Variants in MACROD2 observed in about 807,000 individuals in gnomAD.
The protein encoded by MACROD2 is ADP-ribose glycohydrolase MACROD2.
In MACROD2, 36 loss-of-function variants were observed where a neutral mutation model predicts 70.4. The observed-to-expected ratio is 0.51, with a 90% confidence interval of 0.39 to 0.68. The LOEUF is 0.68. MACROD2 is among the 30% of genes least tolerant of loss of function. MACROD2 has a pLI of 0.00. For synonymous variants in MACROD2, 172 were observed against 178.8 expected (o/e 0.96, Z 0.30); for missense variants, 496 against 538.4 (o/e 0.92, Z 0.78).
chr20:15,085,765 C>T (rs113388059), intron 5 of MACROD2, among the ~76,000 whole-genome samples: 3 of 152,016 alleles, frequency 2.0e-5, no homozygotes, highest in Admixed American at 6.6e-5. Flanking sequence ...GCAAAAATCA[C>T]ACCACTAACA....
intron 5 of MACROD2, among the ~76,000 whole-genome samples, chr20:14,933,016 T>A (rs891084616): frequency 1.3e-5 from 2 of 152,176 alleles, no homozygotes; most frequent in Non-Finnish European, 2.9e-5. Flanking sequence ...TTGAGATTTT[T>A]AAATAAGTAT....
chr20:14,169,277 T>G (rs2081197412), intron 3 of MACROD2, among the ~76,000 whole-genome samples: 1 of 151,670 alleles, frequency 6.6e-6, no homozygotes, highest in South Asian at 2.1e-4. Flanking sequence ...AAACTTTTTC[T>G]CCAATAAAAA....
intron 5 of MACROD2, among the ~76,000 whole-genome samples, chr20:14,896,155 C>T (rs1042777452): frequency 1.3e-5 from 2 of 151,918 alleles, no homozygotes; most frequent in Admixed American, 1.3e-4. Context: ...ATTAGCTGGG[C>T]GTGGTGGTGG....
intron 5 of MACROD2, among the ~76,000 whole-genome samples, chr20:15,212,545 A>T (rs1424031669): frequency 6.6e-6 from 1 of 152,138 alleles, no homozygotes; most frequent in Non-Finnish European, 1.5e-5. Flanking sequence ...GCTTGTCATT[A>T]GTGTGTGCGA....
intron 3 of MACROD2, among the ~76,000 whole-genome samples, chr20:14,448,593 CTT>C (rs1388357341): frequency 6.6e-6 from 1 of 151,624 alleles, no homozygotes; most frequent in African/African-American, 2.4e-5. Flanking sequence ...AGGAGAATGT[CTT>C]TAATCTGGGA....
rs3070384 is a variant in MACROD2 at position 15,288,867 on chromosome 20, G to GTCTATCTATCTATCTA, written c.540+58834_540+58849dup. On this transcript the variant is annotated intron_variant, in intron 6 of 17. Coordinates refer to ENST00000684519, the MANE Select transcript of MACROD2 (RefSeq NM_001351661.2). ...TGTCTCTCTATATGTCTGTCTGTCT[G>GTCTATCTATCTATCTA]TCTATCTATCTATCTATCTATCTAT... Among the ~76,000 whole-genome samples the GTCTATCTATCTATCTA allele has an allele frequency of 1.5e-3, 221 of 146,964 alleles. 2 individuals are homozygous for GTCTATCTATCTATCTA. The highest frequency in any genetic ancestry group is 1.1e-3 in the Non-Finnish European group (70 of 66,496).
At position 14,636,013 on chromosome 20, in the gene MACROD2, GT is replaced by G. The variant is rs1482785506; in HGVS notation, c.302-48826del. Among the ~76,000 whole-genome samples the G allele has an allele frequency of 5.9e-5, 9 of 152,096 alleles. No homozygotes were observed. The South Asian group carries it at 1.9e-3, about 32-fold the overall frequency. On this transcript the variant is annotated intron_variant, in intron 4 of 17. Transcript: ENST00000684519. ...GAAAAGTGGAATTTGATTTATTTAT[GT>G]TTTGCTTTACTGCATTTATTAATTT...
chr20:15,009,737 G>A (rs1463329941), intron 5 of MACROD2, among the ~76,000 whole-genome samples: 3 of 147,822 alleles, frequency 2.0e-5, no homozygotes, highest in African/African-American at 7.5e-5. Flanking sequence ...ATTTTTTTCA[G>A]TCTTTGAAAC....
intron 7 of MACROD2, among the ~76,000 whole-genome samples, chr20:15,458,619 GT>G (rs981912495): frequency 4.5e-5 from 6 of 132,636 alleles, no homozygotes; most frequent in African/African-American, 8.7e-5. Context: ...CTGTTTTTTT[GT>G]TTTTTTGTTT....
intron 4 of MACROD2, among the ~76,000 whole-genome samples, chr20:14,520,436 G>A (rs1414128042): frequency 6.7e-6 from 1 of 149,978 alleles, no homozygotes; most frequent in African/African-American, 2.4e-5. Flanking sequence ...TTGTTTGCTT[G>A]TTGGTTTGAA....
At chr20:15,688,780 G>A (rs1385111608) in intron 8 of MACROD2, among the ~76,000 whole-genome samples, 1 of 152,156 alleles carries the variant, frequency 6.6e-6, no homozygotes, top group Non-Finnish European at 1.5e-5. Context: ...TGAATGTGAA[G>A]AGGCAAGGGC....
At chr20:14,299,888 G>A (rs879583803) in intron 3 of MACROD2, among the ~76,000 whole-genome samples, 3 of 152,010 alleles carry the variant, frequency 2.0e-5, no homozygotes, top group Admixed American at 6.6e-5. Flanking sequence ...TGAGATTCTC[G>A]TATTCTAAAT....
At chr20:14,251,838 C>G (rs2082015141) in intron 3 of MACROD2, among the ~76,000 whole-genome samples, 1 of 151,874 alleles carries the variant, frequency 6.6e-6, no homozygotes, top group South Asian at 2.1e-4. Context: ...GGTTAAAAAC[C>G]AAAGGAGTTT....
intron 5 of MACROD2, among the ~76,000 whole-genome samples, chr20:15,151,913 G>T (rs909953062): frequency 1.3e-5 from 2 of 148,748 alleles, no homozygotes; most frequent in Non-Finnish European, 2.9e-5. Flanking sequence ...GCGAGGAGGG[G>T]AGGGGTCAGA....
At chr20:14,551,619 C>T (rs1009058129) in intron 4 of MACROD2, among the ~76,000 whole-genome samples, 3 of 152,046 alleles carry the variant, frequency 2.0e-5, no homozygotes, top group African/African-American at 7.2e-5. Flanking sequence ...GCAAAGATGG[C>T]CGAAGTGGAA....
At chr20:15,292,119 T>TCC (rs1303156460) in intron 6 of MACROD2, among the ~76,000 whole-genome samples, 2 of 152,110 alleles carry the variant, frequency 1.3e-5, no homozygotes, top group East Asian at 3.9e-4. Flanking sequence ...CAAGTGATCC[T>TCC]CCCATCTCAG....
intron 5 of MACROD2, among the ~76,000 whole-genome samples, chr20:14,934,242 C>T (rs1377544837): frequency 6.6e-6 from 1 of 152,126 alleles, no homozygotes; most frequent in African/African-American, 2.4e-5. Context: ...GACATAAATT[C>T]CTGATGAGAC....
intron 2 of MACROD2, among the ~76,000 whole-genome samples, chr20:14,036,837 G>GT (rs2053318124): frequency 6.6e-6 from 1 of 152,082 alleles, no homozygotes; most frequent in African/African-American, 2.4e-5. Context: ...CCACTTTTGT[G>GT]TTTTTTGTAG....
At chr20:15,352,948 A>G (rs1420682185) in intron 6 of MACROD2, among the ~76,000 whole-genome samples, 2 of 151,756 alleles carry the variant, frequency 1.3e-5, no homozygotes, top group Non-Finnish European at 2.9e-5. Flanking sequence ...TATAGATTCA[A>G]TGCCATCCCC....
Sources: gnomAD v4.1 joint callset for allele counts (sites outside exome capture counted in the v4.1 genomes callset) on GRCh38, gnomAD v4.1.1 for gene constraint, MANE v1.5 for transcripts, NCBI Gene and HGNC (gene_info 2026-07-23, HGNC 2026-07-21) for gene names.